CENPW: variants seen among roughly 807,000 people sequenced by gnomAD.
The protein encoded by CENPW is centromere protein W.
A neutral mutation model predicts 11.1 loss-of-function variants in CENPW; 3 were observed. That is an observed-to-expected ratio of 0.27 (90% CI 0.12 to 0.70). The LOEUF is 0.70. Among genes scored for constraint, CENPW ranks in the 30% least tolerant of loss-of-function variants. The pLI is 0.77. For synonymous variants in CENPW, 38 were observed against 42.0 expected (o/e 0.91, Z 0.37); for missense variants, 100 against 105.6 (o/e 0.95, Z 0.23).
chr6:126,474,261 C>T, the CENPW span, among the ~76,000 whole-genome samples: 1 of 151,990 alleles, frequency 6.6e-6, no homozygotes, highest in South Asian at 2.1e-4. Flanking sequence ...CAGCATGGTA[C>T]TGGAAGTTCT....
chr6:126,445,289 G>T, the CENPW span, among the ~76,000 whole-genome samples: 1 of 151,108 alleles, frequency 6.6e-6, no homozygotes, highest in Admixed American at 6.6e-5. Flanking sequence ...GGTATTGTAG[G>T]AACACCCATT....
At chr6:126,449,571 A>G in the CENPW span, among the ~76,000 whole-genome samples, 1 of 151,124 alleles carries the variant, frequency 6.6e-6, no homozygotes, top group African/African-American at 2.4e-5. Context: ...TGTGACAGGG[A>G]CCAATTAATC....
At chr6:126,474,284 A>G in the CENPW span, among the ~76,000 whole-genome samples, 15 of 152,172 alleles carry the variant, frequency 9.9e-5, no homozygotes, top group South Asian at 3.1e-3. Flanking sequence ...CCCAAACAGT[A>G]AAGCTCTTGT....
chr6:126,357,103 G>A, the CENPW span, among the ~76,000 whole-genome samples: 3 of 152,224 alleles, frequency 2.0e-5, no homozygotes, highest in South Asian at 6.2e-4. Flanking sequence ...AGTCCATTTT[G>A]CTTAATTTTT....
chr6:126,407,903 G>GT, the CENPW span, among the ~76,000 whole-genome samples: 1 of 152,048 alleles, frequency 6.6e-6, no homozygotes, highest in African/African-American at 2.4e-5. Flanking sequence ...CTTATGATAG[G>GT]TTTTTTGCTA....
At chr6:126,368,471 TTAATG>T in the CENPW span, among the ~76,000 whole-genome samples, 4 of 152,056 alleles carry the variant, frequency 2.6e-5, no homozygotes, top group African/African-American at 9.7e-5. Context: ...ATTAAAAACT[TTAATG>T]TATTGGATTG....
the CENPW span, among the ~76,000 whole-genome samples, chr6:126,355,707 A>G: frequency 2.6e-5 from 4 of 152,182 alleles, no homozygotes; most frequent in Non-Finnish European, 5.9e-5. Context: ...TTTATTGGCA[A>G]TTAACTAATC....
At chr6:126,374,894 C>T in the CENPW span, among the ~76,000 whole-genome samples, 1 of 152,172 alleles carries the variant, frequency 6.6e-6, no homozygotes. Flanking sequence ...GAAACCTATG[C>T]TCATCTTACA....
chr6:126,385,711 GA>G, the CENPW span, among the ~76,000 whole-genome samples: 16 of 152,168 alleles, frequency 1.1e-4, no homozygotes, highest in South Asian at 4.1e-4. Flanking sequence ...CTGACAGTTT[GA>G]TAAGGGGCTC....
the CENPW span, among the ~76,000 whole-genome samples, chr6:126,430,494 A>G: frequency 6.6e-6 from 1 of 152,226 alleles, no homozygotes; most frequent in Non-Finnish European, 1.5e-5. Context: ...CTATACATTG[A>G]ACAAATGGAG....
At chr6:126,341,550 T>TA (rs2128289364) in intron 1 of CENPW, among the ~76,000 whole-genome samples, 1 of 152,302 alleles carries the variant, frequency 6.6e-6, no homozygotes, top group Admixed American at 6.5e-5. Flanking sequence ...AGAAAAGTAT[T>TA]ACTTCTATCT....
downstream of CENPW, among the ~76,000 whole-genome samples, chr6:126,353,603 T>G (rs1780515758): frequency 6.6e-6 from 1 of 152,042 alleles, no homozygotes. Context: ...TGCCTGAACT[T>G]TCTGATACCA....
At chr6:126,341,388 G>A (rs946263639) in intron 1 of CENPW, among the ~76,000 whole-genome samples, 1 of 152,064 alleles carries the variant, frequency 6.6e-6, no homozygotes, top group African/African-American at 2.4e-5. Context: ...AACGACATTG[G>A]TTTTTCTACC....
the CENPW span, among the ~76,000 whole-genome samples, chr6:126,452,619 G>A: frequency 2.0e-5 from 3 of 150,878 alleles, no homozygotes; most frequent in African/African-American, 4.9e-5. Context: ...TAAAAACTAA[G>A]AGCAGCCCCA....
At chr6:126,349,630 A>C (rs1780468044), downstream of CENPW, among the ~76,000 whole-genome samples, 1 of 152,096 alleles carries the variant, frequency 6.6e-6, no homozygotes, top group Non-Finnish European at 1.5e-5. Flanking sequence ...TACATGTATC[A>C]ATAGTTTGTT....
chr6:126,346,659 A>G (rs940728775), intron 2 of CENPW, among the ~76,000 whole-genome samples: 2 of 152,082 alleles, frequency 1.3e-5, no homozygotes, highest in Non-Finnish European at 1.5e-5. Flanking sequence ...GTATTAGTCC[A>G]TTTTCACACT....
the CENPW span, among the ~76,000 whole-genome samples, chr6:126,439,242 A>G: frequency 6.6e-6 from 1 of 151,758 alleles, no homozygotes; most frequent in African/African-American, 2.4e-5. Flanking sequence ...TATGTACCAC[A>G]TGTTTTCTGA....
At chr6:126,476,702 A>G in the CENPW span, among the ~76,000 whole-genome samples, 2 of 152,020 alleles carry the variant, frequency 1.3e-5, no homozygotes, top group Non-Finnish European at 2.9e-5. Flanking sequence ...ATGAGAGAAT[A>G]TCAGTGCATA....
chr6:126,460,162 G>A, the CENPW span, among the ~76,000 whole-genome samples: 2 of 151,602 alleles, frequency 1.3e-5, no homozygotes, highest in African/African-American at 4.8e-5. Flanking sequence ...AAGCCTGCAA[G>A]CACATGTGTT....
Sources: allele counts gnomAD v4.1 joint callset (sites outside exome capture counted in the v4.1 genomes callset), GRCh38; gene constraint gnomAD v4.1.1; transcripts MANE v1.5; gene names NCBI Gene and HGNC (gene_info 2026-07-23, HGNC 2026-07-21).